Variants in ZCCHC8 observed in about 807,000 individuals in gnomAD.
ZCCHC8 encodes the protein zinc finger CCHC-type containing 8, also known as zinc finger CCHC domain-containing protein 8.
In ZCCHC8, 27 loss-of-function variants were observed where a neutral mutation model predicts 70.6. That is an observed-to-expected ratio of 0.38 (90% CI 0.28 to 0.53). The LOEUF (loss-of-function observed/expected upper bound fraction) is 0.53, where lower values mean the gene tolerates loss of function less well. Ranked by LOEUF, ZCCHC8 falls within the 20% of genes least tolerant of loss-of-function variation. The probability of loss-of-function intolerance (pLI) is 0.81; values close to 1 mark genes in which losing one functional copy is unlikely to be tolerated. For missense variants in ZCCHC8, 737 were observed against 876.9 expected, an observed-to-expected ratio of 0.84 and a Z score of 2.01; for synonymous variants, 293 against 317.4, an observed-to-expected ratio of 0.92 and a Z score of 0.82.
At chr12:122,479,945 G>A (rs965881882) in intron 11 of ZCCHC8, among the ~76,000 whole-genome samples, 2 of 152,110 alleles carry the variant, frequency 1.3e-5, no homozygotes, top group African/African-American at 4.8e-5. Flanking sequence ...CTAGTAGCCA[G>A]GACTACAGGC....
chr12:122,488,970 T>C (rs1050280861), intron 5 of ZCCHC8, among the ~76,000 whole-genome samples: 1 of 152,176 alleles, frequency 6.6e-6, no homozygotes, highest in African/African-American at 2.4e-5. Context: ...GTAGCCTAAA[T>C]GTAGGTCATC....
At chr12:122,479,116 C>A (rs1252064178) in intron 11 of ZCCHC8, among the ~76,000 whole-genome samples, 1 of 152,216 alleles carries the variant, frequency 6.6e-6, no homozygotes, top group Admixed American at 6.5e-5. Context: ...GCTTTCATCA[C>A]CCAGGCTAAA....
At chr12:122,477,620 T>TG (rs1555293834) in intron 13 of ZCCHC8, among the ~76,000 whole-genome samples, 1 of 138,832 alleles carries the variant, frequency 7.2e-6, no homozygotes, top group Admixed American at 7.2e-5. Flanking sequence ...CTGTCTCTAC[T>TG]AAAAAAAAAA....
chr12:122,487,523 A>G (rs908080255), intron 5 of ZCCHC8, among the ~76,000 whole-genome samples: 1 of 152,226 alleles, frequency 6.6e-6, no homozygotes, highest in Non-Finnish European at 1.5e-5. Context: ...TTTATGAATG[A>G]GAAGTGCCAT....
At chr12:122,495,719 G>A (rs1301259148) in intron 2 of ZCCHC8, among the ~76,000 whole-genome samples, 1 of 151,700 alleles carries the variant, frequency 6.6e-6, no homozygotes, top group Non-Finnish European at 1.5e-5. Context: ...ATAGTGGTGT[G>A]CACCTGTAAT....
At chr12:122,498,662 A>T (rs763770201) in intron 2 of ZCCHC8, among the ~76,000 whole-genome samples, 165 bp downstream of exon 2, 1 of 152,228 alleles carries the variant, frequency 6.6e-6, no homozygotes, top group Non-Finnish European at 1.5e-5. Flanking sequence ...TTCAGACCTT[A>T]TCCCCACAAT....
rs1957360721 is a variant in ZCCHC8, at chr12:122,473,792, T to A, written c.1829A>T (p.Glu610Val). Residue 610 changes from glutamate to valine, a missense_variant, in exon 14 of 14, where the codon GAA (glutamate) becomes GTA (valine). Glu to Val is a moderately radical substitution (Grantham distance 121, BLOSUM62 -2). Coordinates refer to ENST00000633063, the MANE Select transcript of ZCCHC8 (RefSeq NM_017612.5). ...GTTTACCGGAGCCAACTCTGCTTTT[T>A]CCTTCTGACAAAGTGATGTCACCTC... ...DSEVTSLCQK[E>V]KAELAPVNTE... The A allele has an allele frequency of 1.2e-6, 2 of 1,613,068 alleles. No homozygotes were observed. Among genetic ancestry groups the A allele is most frequent in the Non-Finnish European group, 1.7e-6 (2 of 1,179,394 alleles).
chr12:122,500,856 A>T lies in ZCCHC8; in HGVS notation c.-16T>A. 1 of 1,556,766 alleles carries T rather than the reference A, an allele frequency of 6.4e-7. No homozygotes were observed. Among genetic ancestry groups the T allele is most frequent in the Non-Finnish European group, 8.7e-7 (1 of 1,150,300 alleles). On this transcript the variant is annotated 5_prime_UTR_variant, in exon 1 of 14. Coordinates refer to ENST00000633063, the MANE Select transcript of ZCCHC8 (RefSeq NM_017612.5). This position sits in a 1 kb window ranked among gnomAD's most constrained non-coding sequence, Gnocchi z 4.8. ...CTGCGGCCATTTTGGGCTGTGGAAA[A>T]GATTCGAGAAGAGGCGGAGCCGGCC...
At chr12:122,482,742 A>G (rs1957560532) in intron 7 of ZCCHC8, 47 bp from the exon 8 acceptor site, 31 of 1,517,462 alleles carry the variant, frequency 2.0e-5, no homozygotes, top group Non-Finnish European at 2.7e-5. Flanking sequence ...ATAAAAATAG[A>G]AAAGCAAATC....
chr12:122,474,325 T>C, intron 13 of ZCCHC8, 50 bp from the exon 14 acceptor site: 1 of 1,329,958 alleles, frequency 7.5e-7, no homozygotes, highest in African/African-American at 1.5e-5. Context: ...TAGCATTTGG[T>C]TTTACTAAAA....
chr12:122,486,106 C>T (rs1329096887), intron 5 of ZCCHC8, among the ~76,000 whole-genome samples: 1 of 152,038 alleles, frequency 6.6e-6, no homozygotes, highest in African/African-American at 2.4e-5. Context: ...CCACACAGAA[C>T]CCAGCTCTTT....
At chr12:122,491,816 G>A (rs112366771) in intron 3 of ZCCHC8, among the ~76,000 whole-genome samples, 4 of 142,042 alleles carry the variant, frequency 2.8e-5, no homozygotes, top group East Asian at 2.0e-4. Flanking sequence ...CAACAAGACC[G>A]GAACTCCATC....
intron 11 of ZCCHC8, 87 bp downstream of exon 11, chr12:122,480,103 T>C (rs558397426): frequency 4.8e-4 from 606 of 1,274,226 alleles, no homozygotes; most frequent in Non-Finnish European, 6.4e-4. Context: ...TGAGCCACTA[T>C]GCCTAGCCAA....
intron 3 of ZCCHC8, 117 bp downstream of exon 3, chr12:122,492,598 G>A (rs1957767177): frequency 2.8e-6 from 2 of 714,656 alleles, no homozygotes; most frequent in Non-Finnish European, 4.7e-6. Flanking sequence ...TTAACTCCAG[G>A]GGCATTTTAA....
In ZCCHC8 at chr12:122,481,985, C is replaced by T. The variant is rs370568988; in HGVS notation, c.835G>A (p.Val279Ile). Reference sequence around the variant, plus strand: ...TTGAATCTTCCAAATCTTTCTTCTACTTCTTCTGCGTGGTATCGCTGCTGG... The same window carrying T: ...TTGAATCTTCCAAATCTTTCTTCTATTTCTTCTGCGTGGTATCGCTGCTGG... ...NFQQRYHAEE[V>I]EERFGRFKPG... Residue 279 changes from valine (V) to isoleucine (I), a missense_variant, in exon 9 of 14, where the codon GTA (valine) becomes ATA (isoleucine). Coordinates refer to ENST00000633063, the MANE Select transcript of ZCCHC8 (RefSeq NM_017612.5). 160 of 1,610,890 alleles carry T rather than the reference C, an allele frequency of 9.9e-5. 4 individuals are homozygous for T. In the South Asian group the frequency reaches 1.6e-3, roughly 16 times the overall value.
rs1957705545 is a variant in ZCCHC8 at position 122,489,398 on chromosome 12, CTTG to C, written c.486_488del (p.Asn162del). 2 of 1,613,542 alleles carry C rather than the reference CTTG, an allele frequency of 1.2e-6. No homozygotes were observed. The highest frequency in any genetic ancestry group is 1.7e-6 in the Non-Finnish European group (2 of 1,179,676). On this transcript the variant is annotated inframe_deletion, in exon 5 of 14. Transcript: ENST00000633063. Reference sequence around the variant, plus strand: ...TGTCCAAACTTACACTGAAAGCTTCCTTGTTGTTTTTAATGGCACAGGACTCTT... The same window carrying C: ...TGTCCAAACTTACACTGAAAGCTTCCTTGTTTTTAATGGCACAGGACTCTT...
chr12:122,490,666 T>C (rs2137357962), intron 3 of ZCCHC8, 99 bp from the exon 4 acceptor site: 1 of 671,154 alleles, frequency 1.5e-6, no homozygotes, highest in East Asian at 2.8e-5. Context: ...GTGAATGTTG[T>C]TGTTTTTCAG....
intron 12 of ZCCHC8, 39 bp from the exon 13 acceptor site, chr12:122,477,997 T>C: frequency 6.7e-7 from 1 of 1,490,000 alleles, no homozygotes; most frequent in Non-Finnish European, 9.4e-7. Flanking sequence ...TTAAGCGGGG[T>C]AGATAATGAA....
At chr12:122,493,016 T>A (rs1211920783) in intron 2 of ZCCHC8, among the ~76,000 whole-genome samples, 1 of 151,964 alleles carries the variant, frequency 6.6e-6, no homozygotes, top group East Asian at 1.9e-4. Flanking sequence ...CACAGGTGCA[T>A]ACCACCACAT....
Sources: allele counts gnomAD v4.1 joint callset (sites outside exome capture counted in the v4.1 genomes callset), GRCh38; gene constraint gnomAD v4.1.1; non-coding constraint Gnocchi (gnomAD v3.1); transcripts MANE v1.5; gene names NCBI Gene and HGNC (gene_info 2026-07-23, HGNC 2026-07-21).